Variants in ADCY5 observed in about 807,000 individuals in gnomAD.
ADCY5 encodes the protein adenylate cyclase type 5.
Under a neutral mutation model 119.7 loss-of-function variants are expected in ADCY5, and 30 were observed. That is an observed-to-expected ratio of 0.25 (90% CI 0.19 to 0.34). The LOEUF is 0.34. Ranked by LOEUF, ADCY5 falls within the 10% of genes least tolerant of loss-of-function variation. The probability of loss-of-function intolerance (pLI) is 1.00; values close to 1 mark genes in which losing one functional copy is unlikely to be tolerated. For missense variants in ADCY5, 1,324 were observed against 1,775.2 expected, an observed-to-expected ratio of 0.75 and a Z score of 4.57; for synonymous variants, 753 against 762.2, an observed-to-expected ratio of 0.99 and a Z score of 0.20.
chr3:123,292,673 T>A (rs11711009), intron 17 of ADCY5, among the ~76,000 whole-genome samples: 107,801 of 151,982 alleles, frequency 0.71, 39,130 homozygotes, highest in East Asian at 0.87. Context: ...TAAGGCTACC[T>A]GTGTCTGGCT....
At chr3:123,311,159 C>G (rs763866173) in intron 12 of ADCY5, among the ~76,000 whole-genome samples, 1 of 152,220 alleles carries the variant, frequency 6.6e-6, no homozygotes, top group Non-Finnish European at 1.5e-5. Flanking sequence ...TAGGAACTGT[C>G]GCATCTCATT....
At position 123,304,226 on chromosome 3, in the gene ADCY5, G is replaced by A. The variant is rs746667718; in HGVS notation, c.2443-43C>T. The A allele has an allele frequency of 7.3e-6, 9 of 1,240,250 alleles. No homozygotes were observed. In the African/African-American group the frequency reaches 8.9e-5, roughly 12 times the overall value. 76.8% of individuals were successfully genotyped at this position (1,240,250 alleles called of 1,614,324 possible). ...GTGGAGAGGGAGGGAGGGAGAGACG[G>A]AATAGCATTCAGCAAGGACTCCACA... is the stretch of plus-strand genomic sequence containing the variant. On this transcript the variant is annotated intron_variant, in intron 12 of 20. Coordinates refer to ENST00000462833, the MANE Select transcript of ADCY5 (RefSeq NM_183357.3).
intron 3 of ADCY5, among the ~76,000 whole-genome samples, chr3:123,343,910 C>T (rs1942398385): frequency 6.6e-6 from 1 of 152,204 alleles, no homozygotes; most frequent in Admixed American, 6.5e-5. Flanking sequence ...GGGGAGACAA[C>T]TAAGTGTCTC....
At chr3:123,358,240 A>G (rs2108517450) in intron 1 of ADCY5, among the ~76,000 whole-genome samples, 1 of 149,216 alleles carries the variant, frequency 6.7e-6, no homozygotes, top group South Asian at 2.1e-4. Context: ...TACCCACAGT[A>G]CACCAAGTGG....
At chr3:123,350,525 C>A (rs1347996360) in intron 2 of ADCY5, among the ~76,000 whole-genome samples, 2 of 152,196 alleles carry the variant, frequency 1.3e-5, no homozygotes, top group African/African-American at 2.4e-5. Flanking sequence ...ACATTTACAA[C>A]CACCTCTGGG....
At chr3:123,427,387 C>T (rs1237157202) in intron 1 of ADCY5, among the ~76,000 whole-genome samples, 1 of 152,224 alleles carries the variant, frequency 6.6e-6, no homozygotes, top group Non-Finnish European at 1.5e-5. Flanking sequence ...CCAACCCAGT[C>T]CCACTTACCA....
rs1167976968 is a variant in ADCY5, at chr3:123,283,491, C to CGTGT, written c.*1113_*1116dup. 12 of 151,532 alleles carry CGTGT rather than the reference C, an allele frequency of 7.9e-5. No homozygotes were observed. Among genetic ancestry groups the CGTGT allele is most frequent in the African/African-American group, 2.7e-4 (11 of 40,828 alleles). 9.4% of individuals were successfully genotyped at this position (151,532 alleles called of 1,614,324 possible). A position where few individuals can be genotyped will look rare whatever the true frequency, so the allele number is the denominator to read the frequency against. On this transcript the variant is annotated 3_prime_UTR_variant, in exon 21 of 21. Coordinates refer to ENST00000462833, the MANE Select transcript of ADCY5 (RefSeq NM_183357.3). Reference sequence around the variant, plus strand: ...GTGTGCATGTGTGTACATACGTGTGCGTGTGTCAGAAAAGATGGGGCAGTG... The same window carrying CGTGT: ...GTGTGCATGTGTGTACATACGTGTGCGTGTGTGTGTCAGAAAAGATGGGGCAGTG...
intron 1 of ADCY5, among the ~76,000 whole-genome samples, chr3:123,394,793 G>A (rs1223561214): frequency 6.6e-6 from 1 of 152,200 alleles, no homozygotes; most frequent in African/African-American, 2.4e-5. Flanking sequence ...TATTGTGGCA[G>A]GGGATGATAA....
rs1220065100 is a variant in ADCY5 at position 123,286,830 on chromosome 3, CCA to C, written c.3533-23_3533-22del. On this transcript the variant is annotated intron_variant, in intron 19 of 20. Coordinates refer to ENST00000462833, the MANE Select transcript of ADCY5 (RefSeq NM_183357.3). This position sits in a 1 kb window ranked among gnomAD's most constrained non-coding sequence, Gnocchi z 4.2. ...GAGCCCTGCAGGGGACAGGAATCAGCCACAGTCATCACATCTCTGGCTTGACC... is the reference window on the plus strand; with the variant it reads ...GAGCCCTGCAGGGGACAGGAATCAGCCAGTCATCACATCTCTGGCTTGACC... The C allele has an allele frequency of 3.8e-6, 6 of 1,575,316 alleles. No homozygotes were observed. The highest frequency in any genetic ancestry group is 3.6e-5 in the South Asian group (3 of 84,066).
intron 1 of ADCY5, among the ~76,000 whole-genome samples, chr3:123,402,181 G>A (rs888889743): frequency 6.6e-6 from 1 of 152,234 alleles, no homozygotes; most frequent in East Asian, 1.9e-4. Context: ...CTTAGGGAGG[G>A]TTCCAACATG....
At position 123,358,556 on chromosome 3, in the gene ADCY5, T is replaced by C. The variant is rs543543726; in HGVS notation, c.1135-5975A>G. The stretch of plus-strand genomic sequence containing the variant: ...TAGAGGCTGCAGTGAGCTATGACCA[T>C]ACCACTGCACTCTAGCCTGGGCAAC... On this transcript the variant is annotated intron_variant, in intron 1 of 20. Coordinates refer to ENST00000462833, the MANE Select transcript of ADCY5 (RefSeq NM_183357.3). 1.4e-3 allele frequency among the ~76,000 whole-genome samples: 211 copies of C among 152,232 alleles called. 2 individuals carry two copies. The highest frequency in any genetic ancestry group is 2.8e-3 in the Admixed American group (43 of 15,292).
At chr3:123,425,586 C>T (rs188139977) in intron 1 of ADCY5, among the ~76,000 whole-genome samples, 11 of 152,348 alleles carry the variant, frequency 7.2e-5, no homozygotes, top group African/African-American at 2.6e-4. Flanking sequence ...AAACCATCCA[C>T]AGCTTATTTA....
At chr3:123,345,388 C>CT (rs1397200414) in intron 3 of ADCY5, among the ~76,000 whole-genome samples, 1 of 152,260 alleles carries the variant, frequency 6.6e-6, no homozygotes, top group African/African-American at 2.4e-5. Context: ...TCTGGATTTC[C>CT]TTTGTGTTCC....
intron 1 of ADCY5, among the ~76,000 whole-genome samples, chr3:123,358,155 CGTGTGTGTGT>C (rs6148049): frequency 1.3e-4 from 19 of 140,968 alleles, no homozygotes; most frequent in East Asian, 9.2e-4. Flanking sequence ...ACATGGAACA[CGTGTGTGTGT>C]GTGTGTGTGT....
At chr3:123,302,659 T>G (rs1289611718) in intron 14 of ADCY5, among the ~76,000 whole-genome samples, 1 of 152,202 alleles carries the variant, frequency 6.6e-6, no homozygotes, top group Non-Finnish European at 1.5e-5. Flanking sequence ...CCAGCTCTGT[T>G]GAGTCCTGGC....
chr3:123,445,577 G>T (rs1239614501), intron 1 of ADCY5, among the ~76,000 whole-genome samples: 1 of 152,156 alleles, frequency 6.6e-6, no homozygotes, highest in Non-Finnish European at 1.5e-5. Context: ...CGAGTCCTCG[G>T]GTCAAAAGAG....
At chr3:123,415,907 A>G (rs1945173296) in intron 1 of ADCY5, among the ~76,000 whole-genome samples, 1 of 152,194 alleles carries the variant, frequency 6.6e-6, no homozygotes, top group African/African-American at 2.4e-5. Flanking sequence ...GCTTTAATAT[A>G]CTTCAGCAAG....
rs753349730 is a variant in ADCY5 at position 123,447,756 on chromosome 3, G to A, written c.790C>T (p.Pro264Ser). 3.7e-6 allele frequency: 6 copies of A among 1,605,782 alleles called. No homozygotes were observed. The highest frequency in any genetic ancestry group is 1.7e-5 in the Admixed American group (1 of 59,526). ...GCCAGGTAGGGCAGCTGGAGCGGGG[G>A]CCGCGCCGCGTGGAAGGCCAACATG... Reference protein sequence around the residue: ...LVMLAFHAARPPLQLPYLAVL... With the variant: ...LVMLAFHAARSPLQLPYLAVL... Residue 264 changes from proline (P) to serine (S), a missense_variant, in exon 1 of 21, where the codon CCC becomes TCC. Physicochemically the swap from Pro to Ser is moderately conservative, Grantham distance 74. This residue lies in a region of ADCY5 where 585 missense variants were observed against 569.9 expected (regional missense o/e 1.03). Coordinates refer to ENST00000462833, the MANE Select transcript of ADCY5 (RefSeq NM_183357.3).
At chr3:123,308,028 C>CTTTTTTTTT (rs1178147327) in intron 12 of ADCY5, among the ~76,000 whole-genome samples, 10 of 85,660 alleles carry the variant, frequency 1.2e-4, no homozygotes, top group Non-Finnish European at 1.9e-4. Context: ...TTTTCATGCT[C>CTTTTTTTTT]TTTTTTTTTT....
Sources: allele counts gnomAD v4.1 joint callset (sites outside exome capture counted in the v4.1 genomes callset), GRCh38; gene constraint gnomAD v4.1.1; regional missense constraint gnomAD v4.1.1; non-coding constraint Gnocchi (gnomAD v3.1); transcripts MANE v1.5; gene names NCBI Gene and HGNC (gene_info 2026-07-23, HGNC 2026-07-21).